GRID1: variants seen among roughly 807,000 people sequenced by gnomAD.
GRID1 encodes the protein glutamate ionotropic receptor delta type subunit 1.
GRID1 carries 28 observed loss-of-function variants against 98.0 expected under a neutral mutation model. The observed-to-expected ratio is 0.29, with a 90% CI of 0.21 to 0.39. GRID1 has a LOEUF of 0.39. Ranked by LOEUF, GRID1 falls within the 10% of genes least tolerant of loss-of-function variation. The probability of loss-of-function intolerance (pLI) is 1.00; values close to 1 mark genes in which losing one functional copy is unlikely to be tolerated. For missense variants in GRID1, 1,111 were observed against 1,340.5 expected, an observed-to-expected ratio of 0.83 and a Z score of 2.67; for synonymous variants, 553 against 538.5, an observed-to-expected ratio of 1.03 and a Z score of -0.37.
intron 8 of GRID1, among the ~76,000 whole-genome samples, chr10:85,839,372 T>C (rs1216140044): frequency 1.3e-5 from 2 of 152,202 alleles, no homozygotes; most frequent in Non-Finnish European, 2.9e-5. Flanking sequence ...TATTTTACAA[T>C]TGATCACATA....
chr10:86,251,566 C>T (rs1383310754), intron 2 of GRID1, among the ~76,000 whole-genome samples: 2 of 152,060 alleles, frequency 1.3e-5, no homozygotes, highest in Admixed American at 1.3e-4. Context: ...GCTTGCCTCC[C>T]TAGAACATCA....
chr10:86,243,467 A>G (rs984279657), intron 2 of GRID1, among the ~76,000 whole-genome samples: 2 of 152,136 alleles, frequency 1.3e-5, no homozygotes, highest in African/African-American at 4.8e-5. Context: ...TCAGATGCCA[A>G]TGGGAACTCA....
At chr10:86,185,956 T>A (rs997954018) in intron 3 of GRID1, among the ~76,000 whole-genome samples, 7 of 152,234 alleles carry the variant, frequency 4.6e-5, no homozygotes, top group Admixed American at 2.6e-4. Flanking sequence ...TTGGAAGTAT[T>A]CTCTTCAGTT....
intron 5 of GRID1, among the ~76,000 whole-genome samples, chr10:85,878,770 A>G (rs1318797992): frequency 1.3e-5 from 2 of 152,002 alleles, no homozygotes; most frequent in Admixed American, 6.5e-5. Flanking sequence ...ACACATAACA[A>G]TATTAACTTT....
Position 85,600,689 on chromosome 10 carries a change from A to G in GRID1, c.*1584T>C, listed in dbSNP as rs1460749033. 10 of 152,208 alleles carry G rather than the reference A, an allele frequency of 6.6e-5. No individual in the cohort carries two copies. The highest frequency in any genetic ancestry group is 9.7e-5 in the African/African-American group (4 of 41,446). 9.4% of individuals were successfully genotyped at this position (152,208 alleles called of 1,614,324 possible). A position where few individuals can be genotyped will look rare whatever the true frequency, so the allele number is the denominator to read the frequency against. On this transcript the variant is annotated 3_prime_UTR_variant, in exon 16 of 16. Coordinates refer to ENST00000327946, the MANE Select transcript of GRID1 (RefSeq NM_017551.3). ...TGTCTTTAGGAGAGGAACTGAAGTG[A>G]CACAACTCAGATTCCCCCAGTTCCA...
chr10:86,006,379 G>A (rs2131878222), intron 4 of GRID1, among the ~76,000 whole-genome samples: 1 of 152,308 alleles, frequency 6.6e-6, no homozygotes, highest in South Asian at 2.1e-4. Flanking sequence ...CCAGCACTTT[G>A]GGAGGCCGAG....
chr10:86,042,236 A>G (rs2131899683), intron 4 of GRID1, among the ~76,000 whole-genome samples: 1 of 152,296 alleles, frequency 6.6e-6, no homozygotes, highest in South Asian at 2.1e-4. Flanking sequence ...GACAGACAGG[A>G]GGTTTTTCTG....
At chr10:85,958,326 T>A (rs988906750) in intron 4 of GRID1, among the ~76,000 whole-genome samples, 2 of 152,234 alleles carry the variant, frequency 1.3e-5, no homozygotes, top group African/African-American at 2.4e-5. Context: ...TGAACCCATA[T>A]GAACACACTA....
chr10:85,800,761 G>A (rs1842567869), intron 8 of GRID1, among the ~76,000 whole-genome samples: 2 of 152,004 alleles, frequency 1.3e-5, no homozygotes, highest in Non-Finnish European at 2.9e-5. Context: ...GGCAGCACGA[G>A]TGCTTTGCAG....
chr10:86,360,125 G>T (rs1191555000), intron 2 of GRID1, among the ~76,000 whole-genome samples: 1 of 152,032 alleles, frequency 6.6e-6, no homozygotes, highest in Non-Finnish European at 1.5e-5. Context: ...TTTTGTTCAG[G>T]AATACTTGAT....
intron 12 of GRID1, among the ~76,000 whole-genome samples, chr10:85,659,954 G>T (rs1281123448): frequency 6.6e-6 from 1 of 152,192 alleles, no homozygotes; most frequent in Non-Finnish European, 1.5e-5. Context: ...TCCAGGCCTG[G>T]ATCTCCAAGA....
chr10:85,736,041 G>A (rs1793679933), intron 8 of GRID1, among the ~76,000 whole-genome samples: 1 of 142,790 alleles, frequency 7.0e-6, no homozygotes, highest in South Asian at 2.4e-4. Flanking sequence ...GAAGTAGGGA[G>A]GGAGAAAGGA....
intron 4 of GRID1, among the ~76,000 whole-genome samples, chr10:86,024,611 G>A (rs1843092830): frequency 6.6e-6 from 1 of 152,192 alleles, no homozygotes; most frequent in South Asian, 2.1e-4. Context: ...TGAGCCAGGT[G>A]AGGGCTCCCC....
chr10:85,765,872 T>A (rs1338739257), intron 8 of GRID1, among the ~76,000 whole-genome samples: 1 of 152,224 alleles, frequency 6.6e-6, no homozygotes, highest in East Asian at 1.9e-4. Flanking sequence ...GTCAGAAATT[T>A]TAGGAAGCTA....
At chr10:86,219,244 C>T (rs1405035800) in intron 2 of GRID1, among the ~76,000 whole-genome samples, 1 of 152,216 alleles carries the variant, frequency 6.6e-6, no homozygotes, top group African/African-American at 2.4e-5. Context: ...ATGTGCCACC[C>T]CTACACCCCC....
At chr10:85,716,857 G>A (rs1195561592) in intron 12 of GRID1, among the ~76,000 whole-genome samples, 3 of 151,998 alleles carry the variant, frequency 2.0e-5, no homozygotes, top group Non-Finnish European at 2.9e-5. Flanking sequence ...GGCACAGAAA[G>A]ACACATACTG....
chr10:86,173,029 T>A (rs1050688425), intron 3 of GRID1, among the ~76,000 whole-genome samples: 1 of 152,108 alleles, frequency 6.6e-6, no homozygotes, highest in African/African-American at 2.4e-5. Context: ...AGACAAGGAT[T>A]TTTCCTGTTT....
intron 4 of GRID1, among the ~76,000 whole-genome samples, chr10:86,132,288 C>T (rs996994919): frequency 2.0e-5 from 3 of 152,224 alleles, no homozygotes; most frequent in Non-Finnish European, 4.4e-5. Context: ...AACAGGACAG[C>T]TCTCTGTTCC....
At chr10:85,689,907 AT>A (rs1841313661) in intron 12 of GRID1, among the ~76,000 whole-genome samples, 2 of 152,360 alleles carry the variant, frequency 1.3e-5, no homozygotes, top group East Asian at 3.9e-4. Flanking sequence ...AGTTTAGAAA[AT>A]AAAATATCTA....
Sources: gnomAD v4.1 joint callset for allele counts (sites outside exome capture counted in the v4.1 genomes callset) on GRCh38, gnomAD v4.1.1 for gene constraint, MANE v1.5 for transcripts, NCBI Gene and HGNC (gene_info 2026-07-23, HGNC 2026-07-21) for gene names.